The following WNK3 variants were observed in gnomAD, a reference collection of about 807,000 sequenced individuals.
The protein encoded by WNK3 is WNK lysine deficient protein kinase 3.
WNK3 carries 18 observed loss-of-function variants against 116.7 expected under a neutral mutation model. The ratio of observed to expected loss-of-function variants is 0.15; its 90% CI spans 0.11 to 0.23. The LOEUF is 0.23. WNK3 is among the 10% of genes least tolerant of loss of function. The probability of loss-of-function intolerance (pLI) is 1.00; values close to 1 mark genes in which losing one functional copy is unlikely to be tolerated. For synonymous variants in WNK3, 404 were observed against 469.4 expected, an observed-to-expected ratio of 0.86 and a Z score of 1.80; for missense variants, 993 against 1,323.8, an observed-to-expected ratio of 0.75 and a Z score of 3.88.
chrX:54,278,928 G>A (rs1384047010), intron 10 of WNK3, among the ~76,000 whole-genome samples: 1 of 110,619 alleles, frequency 9.0e-6, no homozygotes, highest in Non-Finnish European at 1.9e-5. Context: ...ATTAGCTGGG[G>A]GTGGTGGCGG....
intron 17 of WNK3, among the ~76,000 whole-genome samples, chrX:54,239,397 G>T (rs2068000180): frequency 9.1e-6 from 1 of 110,437 alleles, no homozygotes; most frequent in Non-Finnish European, 1.9e-5. Context: ...TTCTACCCCA[G>T]AATATTTTTC....
At chrX:54,303,473 AT>A (rs2068790284) in intron 5 of WNK3, among the ~76,000 whole-genome samples, 1 of 111,528 alleles carries the variant, frequency 9.0e-6, no homozygotes, top group African/African-American at 3.2e-5. Context: ...GGAAAGAATA[AT>A]TGTTATGGAA....
At position 54,330,550 on chromosome X, in the gene WNK3, A is replaced by G. The variant is rs1351132032; in HGVS notation, c.537+2587T>C. Among the ~76,000 whole-genome samples the G allele has an allele frequency of 3.6e-5, 4 of 111,099 alleles. No individual in the cohort carries two copies. In the Admixed American group the frequency reaches 3.9e-4, roughly 11 times the overall value. ...CCAGCCTAGATGACGGCGTGAGATTATGTCTCCCAAAAAAATAAAAGGCCC... is the reference window on the plus strand; with the variant it reads ...CCAGCCTAGATGACGGCGTGAGATTGTGTCTCCCAAAAAAATAAAAGGCCC... On this transcript the variant is annotated intron_variant, in intron 2 of 23. Transcript: ENST00000354646.
intron 10 of WNK3, among the ~76,000 whole-genome samples, chrX:54,270,204 C>G (rs1389692063): frequency 9.1e-6 from 1 of 109,951 alleles, no homozygotes; most frequent in Non-Finnish European, 1.9e-5. Flanking sequence ...CTCCCAGGTT[C>G]AAGCGATTAT....
At chrX:54,333,013 A>C in intron 2 of WNK3, 124 bp downstream of exon 2, 1 of 484,080 alleles carries the variant, frequency 2.1e-6, no homozygotes, top group African/African-American at 2.4e-5. Context: ...CATAATTTCT[A>C]GGATGTGGGG....
chrX:54,331,793 T>C (rs978761796), intron 2 of WNK3, among the ~76,000 whole-genome samples: 1 of 111,887 alleles, frequency 8.9e-6, no homozygotes, highest in African/African-American at 3.2e-5. Flanking sequence ...CTGACTCTTA[T>C]AAACAGTAAA....
chrX:54,302,767 T>A (rs782773496), intron 5 of WNK3, among the ~76,000 whole-genome samples: 15 of 73,082 alleles, frequency 2.1e-4, no homozygotes, highest in South Asian at 7.2e-4. Flanking sequence ...ATTTTTTTTT[T>A]TTTTTTTATT....
At chrX:54,332,757 G>A (rs1048307324) in intron 2 of WNK3, among the ~76,000 whole-genome samples, 1 of 107,739 alleles carries the variant, frequency 9.3e-6, no homozygotes, top group Non-Finnish European at 1.9e-5. Flanking sequence ...GCGTAGTGGC[G>A]TGCACCTGTA....
intron 17 of WNK3, among the ~76,000 whole-genome samples, chrX:54,239,589 T>C (rs1557151143): frequency 1.8e-5 from 2 of 111,384 alleles, no homozygotes; most frequent in African/African-American, 6.5e-5. Context: ...AAACAAGATA[T>C]CTAGGCACTT....
exon 14 of WNK3, chrX:54,251,613 G>A (rs1557154277): frequency 1.7e-6 from 2 of 1,210,341 alleles, no homozygotes; most frequent in Non-Finnish European, 2.2e-6. Flanking sequence ...GGATCTCCTG[G>A]GCTTGACCTA....
chrX:54,315,947 T>G (rs2068949713), intron 2 of WNK3, among the ~76,000 whole-genome samples: 1 of 110,999 alleles, frequency 9.0e-6, no homozygotes, highest in South Asian at 3.9e-4. Flanking sequence ...ATGCAAAAGC[T>G]AACTCTCTCT....
rs111937310 is a variant in WNK3, at chrX:54,233,921, G to A, written c.4629-901C>T. Among the ~76,000 whole-genome samples the A allele has an allele frequency of 2.1e-3, 226 of 110,176 alleles. 2 individuals carry two copies. Among genetic ancestry groups the A allele is most frequent in the African/African-American group, 6.9e-3 (210 of 30,242 alleles). Reference sequence around the variant, plus strand: ...TCTTGAGCCAGAGGTCAAGGCTTCAGTGAGCCATGACAGCACCACTGCACT... The same window carrying A: ...TCTTGAGCCAGAGGTCAAGGCTTCAATGAGCCATGACAGCACCACTGCACT... On this transcript the variant is annotated intron_variant, in intron 20 of 23. Transcript: ENST00000354646.
At chrX:54,222,939 TAA>T (rs10591701) in intron 22 of WNK3, among the ~76,000 whole-genome samples, 3,729 of 89,572 alleles carry the variant, frequency 0.042, 234 homozygotes, top group African/African-American at 0.15. Context: ...TATATATATA[TAA>T]AAAAAGACAC....
exon 21 of WNK3, chrX:54,232,890 G>A (rs2067917838): frequency 2.5e-6 from 3 of 1,209,475 alleles, no homozygotes; most frequent in Admixed American, 2.2e-5. Flanking sequence ...CTTGGTCGAC[G>A]TGGTGATGCA....
chrX:54,237,425 C>T lies in WNK3; in HGVS notation c.4141G>A (p.Val1381Ile), dbSNP rs145423484. The stretch of plus-strand genomic sequence containing the variant: ...TTTTGTGTGGCAGGTTCTATTTCTA[C>T]CAACTGAGACTTTGCTGTTTTAATA... The change falls in exon 20 of 24, where the codon GTA becomes ATA. Residue 1381 changes from valine to isoleucine, a missense_variant. Physicochemically the swap from Val to Ile is conservative, Grantham distance 29. Transcript: ENST00000354646. The T allele has an allele frequency of 2.2e-5, 27 of 1,207,693 alleles. No homozygotes were observed. The highest frequency in any genetic ancestry group is 2.9e-5 in the Non-Finnish European group (26 of 894,889).
At chrX:54,284,837 G>T (rs782380418) in intron 10 of WNK3, among the ~76,000 whole-genome samples, 28 of 110,399 alleles carry the variant, frequency 2.5e-4, no homozygotes, top group Non-Finnish European at 5.3e-4. Flanking sequence ...GGGCGTGGTG[G>T]CTCATGCCTG....
At chrX:54,237,384 A>C in exon 20 of WNK3, 1 of 1,208,958 alleles carries the variant, frequency 8.3e-7, no homozygotes, top group African/African-American at 1.7e-5. Context: ...TCTCATAAGA[A>C]AACGAAGTTT....
At chrX:54,249,372 C>T (rs1225823400) in exon 17 of WNK3, 2 of 1,211,964 alleles carry the variant, frequency 1.7e-6, no homozygotes, top group African/African-American at 3.5e-5. Context: ...TGGTGAGTCC[C>T]TCACATTCAG....
exon 20 of WNK3, chrX:54,237,188 T>C (rs782704749): frequency 8.3e-7 from 1 of 1,211,872 alleles, no homozygotes; most frequent in South Asian, 1.8e-5. Context: ...AATATCTCTC[T>C]CTCTTTAAGC....
Sources: allele counts gnomAD v4.1 joint callset (sites outside exome capture counted in the v4.1 genomes callset), GRCh38; gene constraint gnomAD v4.1.1; transcripts MANE v1.5; gene names NCBI Gene and HGNC (gene_info 2026-07-23, HGNC 2026-07-21).